The following GARIN2 variants were observed in gnomAD, a reference collection of about 807,000 sequenced individuals.
GARIN2 encodes golgi associated RAB2 interactor family member 2, also known as Golgi-associated RAB2 interactor protein 2.
At chr14:67,197,865 G>GT in the GARIN2 span, among the ~76,000 whole-genome samples, 2,993 of 152,170 alleles carry the variant, frequency 0.02, 41 homozygotes, top group Middle Eastern at 0.034. Flanking sequence ...ATATGTATCT[G>GT]TTTTCAAGTC....
the GARIN2 span, among the ~76,000 whole-genome samples, chr14:67,195,694 C>T: frequency 4.0e-5 from 6 of 149,638 alleles, no homozygotes; most frequent in African/African-American, 1.2e-4. Context: ...AATTATAGAA[C>T]TTAATGCTTT....
At chr14:67,216,594 T>C in the GARIN2 span, among the ~76,000 whole-genome samples, 1 of 152,176 alleles carries the variant, frequency 6.6e-6, no homozygotes, top group African/African-American at 2.4e-5. Flanking sequence ...TTTTCGTATA[T>C]TGTATTTCTA....
the GARIN2 span, among the ~76,000 whole-genome samples, chr14:67,211,730 C>A: frequency 6.6e-6 from 1 of 152,124 alleles, no homozygotes; most frequent in African/African-American, 2.4e-5. Context: ...CTTAACAAAA[C>A]CCTGCCACCA....
the GARIN2 span, among the ~76,000 whole-genome samples, chr14:67,219,567 A>T: frequency 7.9e-5 from 12 of 152,334 alleles, no homozygotes; most frequent in Non-Finnish European, 1.3e-4. Context: ...ATAGCTTTTT[A>T]AAACATTAAA....
chr14:67,198,975 C>G, the GARIN2 span: 1 of 703,564 alleles, frequency 1.4e-6, no homozygotes, highest in South Asian at 1.5e-5. Context: ...ATTCGAGAAG[C>G]TGCTCAGCTG....
At chr14:67,212,631 A>T in the GARIN2 span, among the ~76,000 whole-genome samples, 1 of 146,146 alleles carries the variant, frequency 6.8e-6, no homozygotes, top group African/African-American at 2.5e-5. Context: ...TATATTATAT[A>T]TAATATATAT....
chr14:67,191,353 A>G, the GARIN2 span, among the ~76,000 whole-genome samples: 1 of 152,254 alleles, frequency 6.6e-6, no homozygotes, highest in Non-Finnish European at 1.5e-5. Flanking sequence ...AACTTTTTAT[A>G]ATAAAATATT....
At chr14:67,200,551 T>A in the GARIN2 span, 1 of 235,920 alleles carries the variant, frequency 4.2e-6, no homozygotes, top group South Asian at 7.3e-5. Flanking sequence ...ACTCCTTGTT[T>A]AAAAAAAAAT....
At chr14:67,192,723 T>A in the GARIN2 span, among the ~76,000 whole-genome samples, 2 of 150,948 alleles carry the variant, frequency 1.3e-5, no homozygotes, top group South Asian at 2.1e-4. Flanking sequence ...AAAAAAAAAA[T>A]TTAATGTTAT....
chr14:67,215,292 G>A, the GARIN2 span, among the ~76,000 whole-genome samples: 1 of 152,024 alleles, frequency 6.6e-6, no homozygotes, highest in Non-Finnish European at 1.5e-5. Flanking sequence ...AGCTCAAAAA[G>A]ATAAAAAATG....
At chr14:67,211,844 TTAAA>T in the GARIN2 span, among the ~76,000 whole-genome samples, 2 of 152,092 alleles carry the variant, frequency 1.3e-5, no homozygotes, top group Non-Finnish European at 2.9e-5. Flanking sequence ...ACACTGACTC[TTAAA>T]TAAATAAATA....
the GARIN2 span, among the ~76,000 whole-genome samples, chr14:67,195,983 G>A: frequency 6.6e-6 from 1 of 151,880 alleles, no homozygotes; most frequent in African/African-American, 2.4e-5. Flanking sequence ...ATGGGGTTTC[G>A]CCATGTTGGC....
chr14:67,196,282 T>C, the GARIN2 span, among the ~76,000 whole-genome samples: 6,647 of 151,692 alleles, frequency 0.044, 165 homozygotes, highest in African/African-American at 0.05. Flanking sequence ...ATTGGCACAG[T>C]CTTGGCTCAC....
At chr14:67,216,791 A>T in the GARIN2 span, among the ~76,000 whole-genome samples, 3 of 152,160 alleles carry the variant, frequency 2.0e-5, no homozygotes, top group African/African-American at 7.2e-5. Context: ...ATTTTTAAAA[A>T]TTTTGGATAA....
At chr14:67,208,146 C>T in the GARIN2 span, 52 of 1,600,712 alleles carry the variant, frequency 3.2e-5, no homozygotes, top group Admixed American at 1.7e-4. Context: ...TCCACAAACA[C>T]CTATTACCTG....
the GARIN2 span, among the ~76,000 whole-genome samples, chr14:67,221,109 A>C: frequency 6.6e-6 from 1 of 152,238 alleles, no homozygotes; most frequent in Non-Finnish European, 1.5e-5. Context: ...GATTATTATC[A>C]GTTTTAAAAA....
chr14:67,198,163 TGAA>T, the GARIN2 span: 36,100 of 1,611,864 alleles, frequency 0.022, 1,492 homozygotes, highest in African/African-American at 0.15. Context: ...GCAAGCGCAA[TGAA>T]GAAGAACACC....
chr14:67,214,190 T>C, the GARIN2 span, among the ~76,000 whole-genome samples: 1 of 152,236 alleles, frequency 6.6e-6, no homozygotes, highest in Admixed American at 6.5e-5. Context: ...TTTGTCAATT[T>C]TGGCTTTTGT....
chr14:67,222,662 C>T, the GARIN2 span, among the ~76,000 whole-genome samples: 6 of 152,084 alleles, frequency 3.9e-5, no homozygotes, highest in African/African-American at 4.8e-5. Context: ...TAGCCTGTAA[C>T]GAACTTTTAA....
Sources: allele counts gnomAD v4.1 joint callset (sites outside exome capture counted in the v4.1 genomes callset), GRCh38; gene constraint gnomAD v4.1.1; transcripts MANE v1.5; gene names NCBI Gene and HGNC (gene_info 2026-07-23, HGNC 2026-07-21).